MBNL2: variants seen among roughly 807,000 people sequenced by gnomAD.
MBNL2 encodes the protein muscleblind-like protein 2.
Under a neutral mutation model 41.9 loss-of-function variants are expected in MBNL2, and 17 were observed. The ratio of observed to expected loss-of-function variants is 0.41; its 90% CI spans 0.28 to 0.61. The LOEUF is 0.61. Ranked by LOEUF, MBNL2 falls within the 20% of genes least tolerant of loss-of-function variation. MBNL2 has a pLI of 0.35. For missense variants in MBNL2, 336 were observed against 505.6 expected (o/e 0.66, Z 3.22); for synonymous variants, 195 against 182.9 (o/e 1.07, Z -0.53).
the MBNL2 span, among the ~76,000 whole-genome samples, chr13:97,211,957 T>G: frequency 6.6e-6 from 1 of 152,068 alleles, no homozygotes; most frequent in African/African-American, 2.4e-5. Context: ...GATAGCAGTA[T>G]TTTGGATTTA....
the MBNL2 span, among the ~76,000 whole-genome samples, chr13:97,213,056 T>C: frequency 2.0e-5 from 3 of 152,140 alleles, no homozygotes. Context: ...CACAGGGACT[T>C]CCCAGATAAC....
At chr13:97,234,018 G>GA (rs2042846709) in intron 1 of MBNL2, among the ~76,000 whole-genome samples, 1 of 152,170 alleles carries the variant, frequency 6.6e-6, no homozygotes, top group Non-Finnish European at 1.5e-5. Context: ...TCCCAAGTGG[G>GA]AAGGCATCTG....
the MBNL2 span, among the ~76,000 whole-genome samples, chr13:97,167,636 A>G: frequency 6.6e-6 from 1 of 152,182 alleles, no homozygotes; most frequent in Non-Finnish European, 1.5e-5. Context: ...GGTAATAGCT[A>G]ATTACCAATC....
At chr13:97,221,290 T>A (rs993237037), upstream of MBNL2, 7 of 152,054 alleles carry the variant, frequency 4.6e-5, no homozygotes, top group African/African-American at 1.7e-4. Context: ...GGGAGGAAAA[T>A]GTATGCTTGT....
intron 1 of MBNL2, among the ~76,000 whole-genome samples, chr13:97,272,045 G>T (rs548993278): frequency 3.5e-4 from 53 of 152,274 alleles, no homozygotes; most frequent in African/African-American, 1.3e-3. Flanking sequence ...CCCACCAACA[G>T]TATAAAAGCA....
In MBNL2 at chr13:97,334,338, A is replaced by G. The variant is rs776506221; in HGVS notation, c.237A>G (p.Leu79=). 6 of 1,613,806 alleles carry G rather than the reference A, an allele frequency of 3.7e-6. No homozygotes were observed. In the East Asian group the frequency reaches 1.1e-4, roughly 30 times the overall value. ...LHPPTHLKTQ[L]EINGRNNLIQ... is the part of the protein sequence containing the mutation. The stretch of plus-strand genomic sequence containing the variant: ...CTCCGACACACTTAAAAACTCAACT[A>G]GAAATTAATGGAAGGAACAATTTGA... Residue 79 remains leucine, a synonymous_variant, in exon 3 of 9, where the codon CTA becomes CTG. Transcript: ENST00000679496. This position sits in a 1 kb window ranked among gnomAD's most constrained non-coding sequence, Gnocchi z 5.3.
chr13:97,359,870 AAG>A (rs1463063727), intron 7 of MBNL2, among the ~76,000 whole-genome samples: 1 of 152,226 alleles, frequency 6.6e-6, no homozygotes, highest in Non-Finnish European at 1.5e-5. Flanking sequence ...TAAATGAGGA[AAG>A]AGAAAATAAT....
intron 3 of MBNL2, among the ~76,000 whole-genome samples, chr13:97,340,415 A>C (rs1376361654): frequency 6.6e-6 from 1 of 152,142 alleles, no homozygotes; most frequent in African/African-American, 2.4e-5. Flanking sequence ...TCACTTTTAT[A>C]CCCTTACTAT....
the MBNL2 span, among the ~76,000 whole-genome samples, chr13:97,145,896 A>G: frequency 6.6e-6 from 1 of 152,176 alleles, no homozygotes; most frequent in South Asian, 2.1e-4. Context: ...GAGCAGTTGC[A>G]TTTTTATTGG....
intron 2 of MBNL2, among the ~76,000 whole-genome samples, chr13:97,294,174 TA>T (rs2056650805): frequency 6.6e-6 from 1 of 152,272 alleles, no homozygotes; most frequent in Non-Finnish European, 1.5e-5. Flanking sequence ...ATATTTATAT[TA>T]TTTCTAGCTT....
chr13:97,220,234 C>T (rs538053722), upstream of MBNL2, among the ~76,000 whole-genome samples: 2 of 152,298 alleles, frequency 1.3e-5, 1 homozygote, highest in Admixed American at 1.3e-4. Flanking sequence ...TGTGCATTAT[C>T]TTAATTAATA....
intron 1 of MBNL2, among the ~76,000 whole-genome samples, chr13:97,257,310 G>A (rs934732095): frequency 2.0e-5 from 3 of 152,132 alleles, no homozygotes; most frequent in African/African-American, 7.2e-5. Flanking sequence ...TGATAAAATC[G>A]TTTTGGAAAA....
chr13:97,365,677 T>C (rs1347310991), intron 8 of MBNL2, among the ~76,000 whole-genome samples: 1 of 152,228 alleles, frequency 6.6e-6, no homozygotes, highest in Non-Finnish European at 1.5e-5. Flanking sequence ...TTTTAAGTGC[T>C]GATTTATTTG....
At chr13:97,327,265 C>T (rs571240621) in intron 2 of MBNL2, among the ~76,000 whole-genome samples, 3 of 152,184 alleles carry the variant, frequency 2.0e-5, no homozygotes, top group East Asian at 1.9e-4. Context: ...CTCCTCAAAC[C>T]TCATCACGTA....
chr13:97,298,486 G>GA (rs759851090), intron 2 of MBNL2, among the ~76,000 whole-genome samples: 12 of 152,176 alleles, frequency 7.9e-5, no homozygotes, highest in Non-Finnish European at 1.5e-4. Context: ...CTAAAAGATA[G>GA]AAAATCTGAG....
At chr13:97,167,783 G>C in the MBNL2 span, among the ~76,000 whole-genome samples, 1 of 152,150 alleles carries the variant, frequency 6.6e-6, no homozygotes, top group Non-Finnish European at 1.5e-5. Context: ...TTTGAAAATA[G>C]AAAATGAGGT....
At chr13:97,384,957 G>C (rs2065807493) in intron 8 of MBNL2, among the ~76,000 whole-genome samples, 1 of 152,100 alleles carries the variant, frequency 6.6e-6, no homozygotes, top group Non-Finnish European at 1.5e-5. Flanking sequence ...GGGAGAATGG[G>C]AGAATGGGGA....
In MBNL2 at chr13:97,357,508, T is replaced by C; in HGVS notation, c.885T>C (p.Pro295=). ...DLAFPPGALH[P]LPKRQALEKS... is the part of the protein sequence containing the mutation. ...CCTTTCCCCCTGGTGCTCTTCATCC[T>C]TTACCAAAGAGACAAGCACTTGAAA... The change falls in exon 7 of 9, where the codon CCT becomes CCC. Residue 295 remains proline (P), a synonymous_variant. Coordinates refer to ENST00000679496, the MANE Select transcript of MBNL2 (RefSeq NM_001382683.1). The C allele has an allele frequency of 6.2e-7, 1 of 1,614,104 alleles. No homozygotes were observed. Among genetic ancestry groups the C allele is most frequent in the Non-Finnish European group, 8.5e-7 (1 of 1,179,980 alleles).
chr13:97,147,512 A>G, the MBNL2 span, among the ~76,000 whole-genome samples: 2 of 152,170 alleles, frequency 1.3e-5, no homozygotes, highest in African/African-American at 4.8e-5. Flanking sequence ...AGAAATGCTC[A>G]TATTTACCTG....
Sources: allele counts gnomAD v4.1 joint callset (sites outside exome capture counted in the v4.1 genomes callset), GRCh38; gene constraint gnomAD v4.1.1; non-coding constraint Gnocchi (gnomAD v3.1); transcripts MANE v1.5; gene names NCBI Gene and HGNC (gene_info 2026-07-23, HGNC 2026-07-21).